Variants in COL18A1 observed in about 807,000 individuals in gnomAD.
COL18A1 encodes the protein collagen alpha-1(XVIII) chain.
COL18A1 carries 133 observed loss-of-function variants against 168.0 expected under a neutral mutation model. The observed-to-expected ratio is 0.79, with a 90% confidence interval of 0.69 to 0.91. COL18A1 has a LOEUF of 0.91. Ranked by LOEUF, COL18A1 falls within the 40% of genes least tolerant of loss-of-function variation. COL18A1 has a pLI of 0.00. For synonymous variants in COL18A1, 949 were observed against 809.0 expected (o/e 1.17, Z -2.94); for missense variants, 2,126 against 1,925.4 (o/e 1.10, Z -1.95).
chr21:45,489,375 G>A, intron 18 of COL18A1, 111 bp from the exon 19 acceptor site: 2 of 818,332 alleles, frequency 2.4e-6, no homozygotes, highest in Non-Finnish European at 4.2e-6. Flanking sequence ...GCTGGGGGAG[G>A]GCGGTGAGAT....
chr21:45,476,781 TGTG>T lies in COL18A1; in HGVS notation c.928+305_928+307del, dbSNP rs371901149. On this transcript the variant is annotated intron_variant, in intron 6 of 41. Coordinates refer to ENST00000651438, the MANE Select transcript of COL18A1 (RefSeq NM_001379500.1). The stretch of plus-strand genomic sequence containing the variant: ...TGTGTGGTGTGTGTATTGTGTGTGG[TGTG>T]GTGTGTGTGTTGCGTGTAGTGTACG... Among the ~76,000 whole-genome samples, 540 of 151,460 alleles carry T rather than the reference TGTG, an allele frequency of 3.6e-3. 3 individuals carry two copies. Among genetic ancestry groups the T allele is most frequent in the African/African-American group, 0.011 (451 of 41,238 alleles).
chr21:45,498,363 G>C lies in COL18A1; in HGVS notation c.2683+702G>C. 1 of 672,058 alleles carries C rather than the reference G, an allele frequency of 1.5e-6. No individual in the cohort carries two copies. The allele number at this position is 672,058 out of a possible 1,614,324, so 41.6% of individuals were successfully genotyped here. ...CCTCTCACCGCCAGGGTTCCCTCTC[G>C]CCACCACGGTCCCCTCTCGCCGCCA... On this transcript the variant is annotated intron_variant, in intron 32 of 41. Transcript: ENST00000651438. This position sits in a 1 kb window ranked among gnomAD's most constrained non-coding sequence, Gnocchi z 4.5.
intron 2 of COL18A1, among the ~76,000 whole-genome samples, chr21:45,453,530 G>T (rs2034703002): frequency 1.3e-5 from 2 of 152,232 alleles, no homozygotes; most frequent in African/African-American, 4.8e-5. Flanking sequence ...GAGCTGTGGA[G>T]CCGTGGCAGA....
intron 18 of COL18A1, among the ~76,000 whole-genome samples, chr21:45,489,099 C>T (rs2036212449): frequency 6.6e-6 from 1 of 152,204 alleles, no homozygotes. Flanking sequence ...CAGCCCCTGC[C>T]ATGGCACCTG....
chr21:45,468,828 G>T (rs777009992), intron 3 of COL18A1, 42 bp downstream of exon 3: 39 of 1,483,864 alleles, frequency 2.6e-5, no homozygotes, highest in African/African-American at 3.4e-5. Context: ...GGAGCAGCTG[G>T]GATGGGGTGG....
intron 2 of COL18A1, among the ~76,000 whole-genome samples, chr21:45,441,616 C>T (rs1174580513): frequency 6.6e-6 from 1 of 152,212 alleles, no homozygotes; most frequent in Admixed American, 6.5e-5. Context: ...CGTGATCTGC[C>T]ATCTCTGCTT....
At position 45,463,826 on chromosome 21, in the gene COL18A1, G is replaced by A. The variant is rs1459831673; in HGVS notation, c.107-4416G>A. Among the ~76,000 whole-genome samples the A allele has an allele frequency of 1.3e-5, 2 of 152,066 alleles. No individual in the cohort carries two copies. The highest frequency in any genetic ancestry group is 2.9e-5 in the Non-Finnish European group (2 of 68,020). On this transcript the variant is annotated intron_variant, in intron 2 of 41. Coordinates refer to ENST00000651438, the MANE Select transcript of COL18A1 (RefSeq NM_001379500.1). The surrounding 1 kb of genome is among the most constrained non-coding windows in gnomAD (Gnocchi z 4.0). ...GCAGGAGAACTGCTTGAACCTGGGA[G>A]GTGGAGGTTGTGGTGAGCTGAGATT...
In COL18A1 at chr21:45,505,147, A is replaced by G. The variant is rs1395788254; in HGVS notation, c.2882A>G (p.Glu961Gly). 1.2e-6 allele frequency: 2 copies of G among 1,609,364 alleles called. No individual in the cohort carries two copies. Among genetic ancestry groups the G allele is most frequent in the Admixed American group, 3.4e-5 (2 of 59,658 alleles). ...CGCCGTCCGTAGGGTCCCAAGGGAG[A>G]GAGCATCCGGGGCCAGCCCGGCCCA... ...GYPGIPGPKG[E>G]SIRGQPGPPG... The change falls in exon 35 of 42, where the codon GAG becomes GGG. Residue 961 changes from glutamate to glycine, a missense_variant. Physicochemically the swap from Glu to Gly is moderately conservative, Grantham distance 98 (BLOSUM62 -2). Transcript: ENST00000651438.
At position 45,456,848 on chromosome 21, in the gene COL18A1, G is replaced by A. The variant is rs545040488; in HGVS notation, c.107-11394G>A. The A allele has an allele frequency of 8.1e-4, 1,209 of 1,498,674 alleles. 12 individuals are homozygous for A. The highest frequency in any genetic ancestry group is 1.3e-4 in the Non-Finnish European group (151 of 1,121,988). 92.8% of individuals were successfully genotyped at this position (1,498,674 alleles called of 1,614,324 possible). A position where few individuals can be genotyped will look rare whatever the true frequency, so the allele number is the denominator to read the frequency against. Reference sequence around the variant, plus strand: ...CTGTGCCTCGCTCCCGACCCAGGAGGATGGGTACTGTGTGCTCATTGGGCC... The same window carrying A: ...CTGTGCCTCGCTCCCGACCCAGGAGAATGGGTACTGTGTGCTCATTGGGCC... On this transcript the variant is annotated intron_variant, in intron 2 of 41. Transcript: ENST00000651438.
At chr21:45,448,480 CAG>C (rs1232722616) in intron 2 of COL18A1, among the ~76,000 whole-genome samples, 4 of 152,258 alleles carry the variant, frequency 2.6e-5, no homozygotes, top group Non-Finnish European at 5.9e-5. Flanking sequence ...TCCACACACA[CAG>C]ATATCCATGC....
intron 2 of COL18A1, among the ~76,000 whole-genome samples, chr21:45,412,789 C>T (rs560283730): frequency 2.0e-5 from 3 of 152,324 alleles, no homozygotes; most frequent in South Asian, 4.1e-4. Flanking sequence ...CAGCTGTTAG[C>T]GTCTTGACTC....
intron 2 of COL18A1, among the ~76,000 whole-genome samples, chr21:45,452,832 C>A (rs1429285279): frequency 7.0e-6 from 1 of 142,644 alleles, no homozygotes; most frequent in Admixed American, 7.0e-5. Flanking sequence ...GCATGTATGA[C>A]ATGTGTAAAC....
At chr21:45,511,955 C>G (rs1043222990) in intron 41 of COL18A1, among the ~76,000 whole-genome samples, 3 of 152,078 alleles carry the variant, frequency 2.0e-5, no homozygotes, top group Admixed American at 2.0e-4. Context: ...CCCCTCTCCC[C>G]TCTGCCGTGG....
chr21:45,497,001 C>G, intron 30 of COL18A1, 49 bp from the exon 31 acceptor site: 1 of 1,421,084 alleles, frequency 7.0e-7, no homozygotes, highest in Non-Finnish European at 9.9e-7. Flanking sequence ...GTGGTGGCCT[C>G]CATTTCAGAA....
chr21:45,405,209 C>T lies in COL18A1; in HGVS notation c.-22C>T, dbSNP rs1269751524. 4 of 143,878 alleles carry T rather than the reference C, an allele frequency of 2.8e-5. No homozygotes were observed. The highest frequency in any genetic ancestry group is 4.7e-5 in the Non-Finnish European group (4 of 84,292). 8.9% of individuals were successfully genotyped at this position (143,878 alleles called of 1,614,324 possible). On this transcript the variant is annotated 5_prime_UTR_variant, in exon 1 of 42. Transcript: ENST00000651438. ...CGGCGGAGGAGGCAGCATCCCGCGG[C>T]GCTGACGGTCCTGGGGAGAGCATGG...
intron 2 of COL18A1, chr21:45,456,062 C>T (rs773218086): frequency 6.2e-7 from 1 of 1,605,598 alleles, no homozygotes; most frequent in Non-Finnish European, 8.5e-7. Context: ...TCCTAGCTCT[C>T]CGGGCGCCCA....
chr21:45,436,821 C>G (rs1016664433), intron 2 of COL18A1, among the ~76,000 whole-genome samples: 5 of 136,546 alleles, frequency 3.7e-5, no homozygotes, highest in African/African-American at 1.4e-4. Flanking sequence ...TACTGGGGAG[C>G]TGTGGCTGGG....
chr21:45,502,399 A>C (rs1449602294), intron 32 of COL18A1: 1 of 152,284 alleles, frequency 6.6e-6, no homozygotes, highest in African/African-American at 2.4e-5. Context: ...TACAGCTTTA[A>C]GTAGTACCTG....
At position 45,480,338 on chromosome 21, in the gene COL18A1, C is replaced by T. The variant is rs572690688; in HGVS notation, c.1399-129C>T. The T allele has an allele frequency of 3.3e-5, 51 of 1,540,322 alleles. No homozygotes were observed. The Admixed American group carries it at 6.4e-4, about 19-fold the overall frequency. On this transcript the variant is annotated intron_variant, in intron 11 of 41. Transcript: ENST00000651438. Reference sequence around the variant, plus strand: ...TGCCTTCAGGCTTCTCTGGGGGCAGCAGAGGGGCCGTGGTTTCTCAGCTCC... The same window carrying T: ...TGCCTTCAGGCTTCTCTGGGGGCAGTAGAGGGGCCGTGGTTTCTCAGCTCC...
Sources: gnomAD v4.1 joint callset for allele counts (sites outside exome capture counted in the v4.1 genomes callset) on GRCh38, gnomAD v4.1.1 for gene constraint, Gnocchi (gnomAD v3.1) non-coding constraint, MANE v1.5 for transcripts, NCBI Gene and HGNC (gene_info 2026-07-23, HGNC 2026-07-21) for gene names.